The following RTN4IP1 variants were observed in gnomAD, a reference collection of about 807,000 sequenced individuals.
The protein encoded by RTN4IP1 is reticulon 4 interacting protein 1, also known as NAD(P)H oxidoreductase RTN4IP1, mitochondrial.
A neutral mutation model predicts 46.6 loss-of-function variants in RTN4IP1; 32 were observed. The observed-to-expected ratio is 0.69, with a 90% CI of 0.52 to 0.92. RTN4IP1 has a LOEUF of 0.92. Ranked by LOEUF, RTN4IP1 falls within the 40% of genes least tolerant of loss-of-function variation. The probability of loss-of-function intolerance (pLI) is 0.00; values close to 1 mark genes in which losing one functional copy is unlikely to be tolerated. For missense variants in RTN4IP1, 424 were observed against 485.8 expected, an observed-to-expected ratio of 0.87 and a Z score of 1.20; for synonymous variants, 167 against 161.8, an observed-to-expected ratio of 1.03 and a Z score of -0.24.
rs765028199 is a variant in RTN4IP1 at position 106,583,405 on chromosome 6, C to T, written c.1006G>A (p.Val336Ile). Residue 336 changes from valine (V) to isoleucine (I), a missense_variant, in exon 8 of 9, where the codon GTC becomes ATC. Transcript: ENST00000369063. The part of the protein sequence containing the change: ...SKALKHFWKG[V>I]HYRWAFFMAS... Reference sequence around the variant, plus strand: ...ATGAAAAATGCCCAGCGATAATGGACTCCTTTCCAGAAATGCTAAAAAGAA... The same window carrying T: ...ATGAAAAATGCCCAGCGATAATGGATTCCTTTCCAGAAATGCTAAAAAGAA... 1.2e-6 allele frequency: 2 copies of T among 1,612,802 alleles called. No homozygotes were observed. Among genetic ancestry groups the T allele is most frequent in the Non-Finnish European group, 1.7e-6 (2 of 1,179,062 alleles).
At chr6:106,614,772 A>G (rs1202601477) in intron 4 of RTN4IP1, among the ~76,000 whole-genome samples, 1 of 152,220 alleles carries the variant, frequency 6.6e-6, no homozygotes, top group Non-Finnish European at 1.5e-5. Context: ...CACTTAAGTT[A>G]GCTACGACCC....
intron 8 of RTN4IP1, among the ~76,000 whole-genome samples, chr6:106,572,677 C>T (rs534052688): frequency 6.6e-6 from 1 of 152,358 alleles, no homozygotes; most frequent in East Asian, 1.9e-4. Flanking sequence ...CACATCTCAG[C>T]CACTCTGTGC....
chr6:106,589,300 AGAGGAG>A (rs1275678816), intron 6 of RTN4IP1, among the ~76,000 whole-genome samples: 6 of 119,320 alleles, frequency 5.0e-5, no homozygotes, highest in African/African-American at 1.3e-4. Context: ...GAGAAGAAGA[AGAGGAG>A]GAGGAGGAGG....
Position 106,571,876 on chromosome 6 carries a change from G to A in RTN4IP1, c.*120C>T, listed in dbSNP as rs1308921075. 7 of 615,860 alleles carry A rather than the reference G, an allele frequency of 1.1e-5. No individual in the cohort carries two copies. The East Asian group carries it at 1.4e-4, about 12-fold the overall frequency. 38.1% of individuals were successfully genotyped at this position (615,860 alleles called of 1,614,324 possible). On this transcript the variant is annotated 3_prime_UTR_variant, in exon 9 of 9. Coordinates refer to ENST00000369063, the MANE Select transcript of RTN4IP1 (RefSeq NM_032730.5). ...ATGGTGTGTTTATTTTTTAAAGCTT[G>A]TATCATGGAATGTATAATCTAATCT...
At chr6:106,580,558 A>G (rs1775341512) in intron 8 of RTN4IP1, among the ~76,000 whole-genome samples, 1 of 151,998 alleles carries the variant, frequency 6.6e-6, no homozygotes, top group African/African-American at 2.4e-5. Context: ...ATCTCTACTA[A>G]AAATACAAAA....
chr6:106,573,736 C>T (rs1437551726), intron 8 of RTN4IP1, among the ~76,000 whole-genome samples: 1 of 152,228 alleles, frequency 6.6e-6, no homozygotes, highest in Non-Finnish European at 1.5e-5. Flanking sequence ...TCTGCTATCA[C>T]CATTATGCAC....
At chr6:106,588,784 T>C (rs1395865753) in intron 6 of RTN4IP1, among the ~76,000 whole-genome samples, 1 of 152,098 alleles carries the variant, frequency 6.6e-6, no homozygotes, top group Non-Finnish European at 1.5e-5. Flanking sequence ...TTGGCCAACT[T>C]TGTGGATCTT....
At chr6:106,573,934 G>A (rs185864649) in intron 8 of RTN4IP1, among the ~76,000 whole-genome samples, 30 of 152,260 alleles carry the variant, frequency 2.0e-4, no homozygotes, top group African/African-American at 5.5e-4. Context: ...TGTGCTACAC[G>A]GGTGCCATCC....
intron 8 of RTN4IP1, among the ~76,000 whole-genome samples, chr6:106,574,316 G>A (rs1390149602): frequency 6.6e-6 from 1 of 151,976 alleles, no homozygotes; most frequent in Non-Finnish European, 1.5e-5. Flanking sequence ...GGTGGTGTGT[G>A]TCTGTAATCC....
chr6:106,595,318 C>G (rs1775756761), intron 5 of RTN4IP1, among the ~76,000 whole-genome samples: 1 of 152,108 alleles, frequency 6.6e-6, no homozygotes, highest in African/African-American at 2.4e-5. Flanking sequence ...ATTTCAATCC[C>G]TTTAGCAAAA....
At chr6:106,628,637 C>T (rs1203598000) in intron 1 of RTN4IP1, 111 bp downstream of exon 1, 40 of 1,054,000 alleles carry the variant, frequency 3.8e-5, no homozygotes, top group Non-Finnish European at 5.1e-5. Context: ...TTGTTAAAAA[C>T]CTAAATGATT....
chr6:106,619,358 A>C, intron 3 of RTN4IP1, 32 bp from the exon 4 acceptor site: 1 of 1,613,192 alleles, frequency 6.2e-7, no homozygotes, highest in Non-Finnish European at 8.5e-7. Context: ...AAAAATAAGC[A>C]ATGACTTGCA....
At chr6:106,601,901 A>G (rs1775958528) in intron 5 of RTN4IP1, among the ~76,000 whole-genome samples, 1 of 152,126 alleles carries the variant, frequency 6.6e-6, no homozygotes, top group African/African-American at 2.4e-5. Flanking sequence ...GTGAACCACC[A>G]TGCCTGACCT....
At chr6:106,578,484 T>C (rs2114622017) in intron 8 of RTN4IP1, among the ~76,000 whole-genome samples, 1 of 152,266 alleles carries the variant, frequency 6.6e-6, no homozygotes, top group Non-Finnish European at 1.5e-5. Context: ...AAAAAGTAAG[T>C]GTGTTAAATA....
chr6:106,620,247 G>T (rs1004885992), intron 3 of RTN4IP1, among the ~76,000 whole-genome samples: 10 of 152,078 alleles, frequency 6.6e-5, no homozygotes, highest in African/African-American at 2.4e-4. Flanking sequence ...TGGGACTACA[G>T]GCGCCCAACA....
chr6:106,586,663 G>A (rs553102777), intron 7 of RTN4IP1, among the ~76,000 whole-genome samples: 22 of 152,048 alleles, frequency 1.4e-4, no homozygotes, highest in Non-Finnish European at 2.4e-4. Flanking sequence ...ATAAGACACC[G>A]TGCCCAGCCT....
chr6:106,595,229 C>T (rs987667137), intron 5 of RTN4IP1, among the ~76,000 whole-genome samples: 28 of 152,190 alleles, frequency 1.8e-4, no homozygotes, highest in Admixed American at 1.6e-3. Context: ...TGCACACCCA[C>T]GGGACAGTTC....
At chr6:106,595,591 A>G (rs926551100) in intron 5 of RTN4IP1, among the ~76,000 whole-genome samples, 8 of 150,366 alleles carry the variant, frequency 5.3e-5, no homozygotes, top group Non-Finnish European at 8.9e-5. Flanking sequence ...TCTGCCTCCT[A>G]GGTTCAAGCA....
At chr6:106,626,940 T>C (rs1313116384) in intron 1 of RTN4IP1, among the ~76,000 whole-genome samples, 1 of 152,222 alleles carries the variant, frequency 6.6e-6, no homozygotes, top group Non-Finnish European at 1.5e-5. Flanking sequence ...TGATTTATTA[T>C]TTTACGTCCA....
Sources: gnomAD v4.1 joint callset for allele counts (sites outside exome capture counted in the v4.1 genomes callset) on GRCh38, gnomAD v4.1.1 for gene constraint, MANE v1.5 for transcripts, NCBI Gene and HGNC (gene_info 2026-07-23, HGNC 2026-07-21) for gene names.